The following ABL1 variants were observed in gnomAD, a reference collection of about 807,000 sequenced individuals.
The protein encoded by ABL1 is ABL proto-oncogene 1, non-receptor tyrosine kinase, also known as tyrosine-protein kinase ABL1.
A neutral mutation model predicts 94.7 loss-of-function variants in ABL1; 11 were observed. That is an observed-to-expected ratio of 0.12 (90% CI 0.07 to 0.19). The LOEUF is 0.19. Among genes scored for constraint, ABL1 ranks in the 10% least tolerant of loss-of-function variants. ABL1 has a pLI of 1.00. For synonymous variants in ABL1, 656 were observed against 622.4 expected, an observed-to-expected ratio of 1.05 and a Z score of -0.80; for missense variants, 1,082 against 1,489.4, an observed-to-expected ratio of 0.73 and a Z score of 4.50.
intron 1 of ABL1, among the ~76,000 whole-genome samples, chr9:130,745,495 A>T (rs979329875): frequency 1.3e-4 from 19 of 151,838 alleles, no homozygotes; most frequent in Middle Eastern, 3.2e-3. Flanking sequence ...AATCAAACCA[A>T]CAATAGCAAA....
intron 6 of ABL1, among the ~76,000 whole-genome samples, chr9:130,874,117 G>A (rs767702313): frequency 6.6e-6 from 1 of 152,098 alleles, no homozygotes; most frequent in Non-Finnish European, 1.5e-5. Context: ...TGTTGCTGAC[G>A]ATCAGGCTAT....
At chr9:130,750,365 C>A in intron 1 of ABL1, among the ~76,000 whole-genome samples, 1 of 147,210 alleles carries the variant, frequency 6.8e-6, no homozygotes, top group Non-Finnish European at 1.5e-5. Flanking sequence ...AAAAAATCCC[C>A]ATCATCCTTC....
rs964679263 is a variant in ABL1 at position 130,862,487 on chromosome 9, G to A, written c.550-276G>A. On this transcript the variant is annotated intron_variant, in intron 3 of 10. Transcript: ENST00000318560. The surrounding 1 kb of genome is among the most constrained non-coding windows in gnomAD (Gnocchi z 5.5). ...GGAACGGGAAGCGAGAACTGGGCAC[G>A]GAAGATGAGGGAGTGGGAGATTTCA... Among the ~76,000 whole-genome samples the A allele has an allele frequency of 1.3e-5, 2 of 152,174 alleles. No individual in the cohort carries two copies. The highest frequency in any genetic ancestry group is 6.5e-5 in the Admixed American group (1 of 15,284).
intron 1 of ABL1, among the ~76,000 whole-genome samples, chr9:130,722,123 T>G (rs1831524274): frequency 6.6e-6 from 1 of 151,620 alleles, no homozygotes; most frequent in Non-Finnish European, 1.5e-5. Context: ...CTGGGCGTGG[T>G]GGCTCACGCC....
chr9:130,875,726 T>G (rs530316096), intron 7 of ABL1, among the ~76,000 whole-genome samples: 1 of 152,180 alleles, frequency 6.6e-6, no homozygotes, highest in Non-Finnish European at 1.5e-5. Flanking sequence ...GTTTCTCTTT[T>G]AGTAAGAGTG....
upstream of ABL1, among the ~76,000 whole-genome samples, chr9:130,830,785 C>G (rs952957695): frequency 1.3e-5 from 2 of 152,206 alleles, no homozygotes; most frequent in African/African-American, 4.8e-5. Context: ...GATAACTACT[C>G]TTATGACTAC....
At chr9:130,791,387 G>A (rs1169013900) in intron 1 of ABL1, among the ~76,000 whole-genome samples, 1 of 152,196 alleles carries the variant, frequency 6.6e-6, no homozygotes, top group East Asian at 1.9e-4. Flanking sequence ...ATTCATCACT[G>A]TGATGGTTAA....
At chr9:130,820,954 G>C (rs1356049749) in intron 1 of ABL1, among the ~76,000 whole-genome samples, 4 of 151,516 alleles carry the variant, frequency 2.6e-5, no homozygotes, top group Admixed American at 2.0e-4. Flanking sequence ...TTTCGAGACA[G>C]AGTCTCACTC....
chr9:130,731,852 A>G (rs1176264819), intron 1 of ABL1, among the ~76,000 whole-genome samples: 2 of 152,146 alleles, frequency 1.3e-5, no homozygotes, highest in Admixed American at 6.5e-5. Context: ...CTTTGATCCT[A>G]GAAATGAATA....
intron 1 of ABL1, among the ~76,000 whole-genome samples, chr9:130,816,455 T>C (rs572629571): frequency 7.2e-4 from 110 of 151,770 alleles, no homozygotes; most frequent in African/African-American, 2.4e-3. Context: ...ATTACAGGTG[T>C]GAGCTACCAC....
chr9:130,814,674 G>A lies in ABL1; in HGVS notation c.137-39390G>A, dbSNP rs1354947809. Among the ~76,000 whole-genome samples, 5 of 151,818 alleles carry A rather than the reference G, an allele frequency of 3.3e-5. No individual in the cohort carries two copies. The highest frequency in any genetic ancestry group is 1.2e-4 in the African/African-American group (5 of 41,340). On this transcript the variant is annotated intron_variant, in intron 1 of 10. Transcript: ENST00000372348. This position sits in a 1 kb window ranked among gnomAD's most constrained non-coding sequence, Gnocchi z 4.4. ...GGGCGGATCACGAGGTCAGGAGACC[G>A]AGACCATCCTTGCTAACACGGTGAA... is the stretch of plus-strand genomic sequence containing the variant.
At chr9:130,761,984 A>C (rs4740369) in intron 1 of ABL1, among the ~76,000 whole-genome samples, 32,989 of 151,844 alleles carry the variant, frequency 0.22, 4,659 homozygotes, top group East Asian at 0.52. Context: ...TCTCTACTAA[A>C]AATACAAAAT....
chr9:130,717,659 TAA>T (rs55678553), intron 1 of ABL1, among the ~76,000 whole-genome samples: 80 of 127,846 alleles, frequency 6.3e-4, no homozygotes, highest in Admixed American at 7.1e-4. Flanking sequence ...CTCTGGGGGG[TAA>T]AAAAAAAAAA....
intron 1 of ABL1, among the ~76,000 whole-genome samples, chr9:130,822,126 C>T (rs1163637593): frequency 1.3e-5 from 2 of 152,116 alleles, no homozygotes; most frequent in Non-Finnish European, 2.9e-5. Context: ...GCGTGAGCCA[C>T]CATGCCTGGC....
chr9:130,866,788 C>CT (rs2132981127), intron 4 of ABL1, among the ~76,000 whole-genome samples: 1 of 152,332 alleles, frequency 6.6e-6, no homozygotes, highest in South Asian at 2.1e-4. Context: ...GTCTTGCTAT[C>CT]TGTGTTAAAG....
intron 1 of ABL1, among the ~76,000 whole-genome samples, chr9:130,771,764 T>TCTTTCTTTC (rs1564285992): frequency 1.5e-5 from 1 of 68,962 alleles, no homozygotes. Flanking sequence ...TTTTTTTTTT[T>TCTTTCTTTC]TTTTTTTGAG....
At chr9:130,826,155 CT>C (rs35754166) in intron 1 of ABL1, among the ~76,000 whole-genome samples, 28,241 of 146,944 alleles carry the variant, frequency 0.19, 3,839 homozygotes, top group African/African-American at 0.4. Flanking sequence ...AAAAAGATTT[CT>C]TTTTTTTTTT....
intron 1 of ABL1, among the ~76,000 whole-genome samples, chr9:130,738,726 A>T (rs1269545968): frequency 6.6e-6 from 1 of 152,244 alleles, no homozygotes; most frequent in Non-Finnish European, 1.5e-5. Flanking sequence ...TGGTTTTGTT[A>T]TATGTCATTT....
intron 1 of ABL1, among the ~76,000 whole-genome samples, chr9:130,838,709 C>T (rs930871349): frequency 6.6e-6 from 1 of 152,324 alleles, no homozygotes; most frequent in African/African-American, 2.4e-5. Flanking sequence ...CTGATTATTT[C>T]TTTCCCCTGG....
Sources: gnomAD v4.1 joint callset for allele counts (sites outside exome capture counted in the v4.1 genomes callset) on GRCh38, gnomAD v4.1.1 for gene constraint, Gnocchi (gnomAD v3.1) non-coding constraint, MANE v1.5 for transcripts, NCBI Gene and HGNC (gene_info 2026-07-23, HGNC 2026-07-21) for gene names.